The following MAGI1 variants were observed in gnomAD, a reference collection of about 807,000 sequenced individuals.
The protein encoded by MAGI1 is membrane associated guanylate kinase, WW and PDZ domain containing 1, also known as membrane-associated guanylate kinase, WW and PDZ domain-containing protein 1.
Under a neutral mutation model 139.9 loss-of-function variants are expected in MAGI1, and 58 were observed. The observed-to-expected ratio is 0.41, with a 90% CI of 0.34 to 0.52. The LOEUF is 0.52. Ranked by LOEUF, MAGI1 falls within the 20% of genes least tolerant of loss-of-function variation. The probability of loss-of-function intolerance (pLI) is 0.12; values close to 1 mark genes in which losing one functional copy is unlikely to be tolerated. For missense variants in MAGI1, 1,874 were observed against 1,901.6 expected, an observed-to-expected ratio of 0.99 and a Z score of 0.27; for synonymous variants, 812 against 737.9, an observed-to-expected ratio of 1.10 and a Z score of -1.63.
intron 1 of MAGI1, among the ~76,000 whole-genome samples, chr3:65,870,365 T>A (rs1003327728): frequency 9.2e-5 from 14 of 151,922 alleles, no homozygotes; most frequent in African/African-American, 3.4e-4. Flanking sequence ...TGTGTAGCAA[T>A]GAGCTATTCA....
At chr3:65,631,869 C>G (rs1388415337) in intron 1 of MAGI1, among the ~76,000 whole-genome samples, 1 of 151,836 alleles carries the variant, frequency 6.6e-6, no homozygotes, top group Non-Finnish European at 1.5e-5. Context: ...ACCAAAAACA[C>G]AAAAAATTAG....
At chr3:65,552,307 A>C (rs2107973653) in intron 2 of MAGI1, among the ~76,000 whole-genome samples, 1 of 151,724 alleles carries the variant, frequency 6.6e-6, no homozygotes, top group Non-Finnish European at 1.5e-5. Flanking sequence ...CCAATTTCCC[A>C]ACATGAACAT....
At chr3:65,621,916 T>TTC (rs1209537080) in intron 2 of MAGI1, 56 bp downstream of exon 2, 3 of 997,682 alleles carry the variant, frequency 3.0e-6, no homozygotes, top group African/African-American at 5.1e-5. Context: ...CCCTGGACTT[T>TTC]TCACACACAC....
intron 1 of MAGI1, among the ~76,000 whole-genome samples, chr3:65,642,278 G>A (rs961947777): frequency 6.6e-6 from 1 of 152,128 alleles, no homozygotes; most frequent in African/African-American, 2.4e-5. Context: ...ATGAATGCTT[G>A]CAGCCACTCC....
At chr3:65,855,014 T>A (rs1425764462) in intron 1 of MAGI1, among the ~76,000 whole-genome samples, 1 of 152,172 alleles carries the variant, frequency 6.6e-6, no homozygotes, top group African/African-American at 2.4e-5. Context: ...CAAGAGGGGA[T>A]GGATGGTGCT....
chr3:65,552,273 T>C (rs1219589330), intron 2 of MAGI1, among the ~76,000 whole-genome samples: 1 of 151,832 alleles, frequency 6.6e-6, no homozygotes, highest in Non-Finnish European at 1.5e-5. Flanking sequence ...TGTGTGTGTG[T>C]GTGTGTGTGT....
At chr3:65,930,728 G>A (rs112184555) in intron 1 of MAGI1, among the ~76,000 whole-genome samples, 6 of 152,202 alleles carry the variant, frequency 3.9e-5, no homozygotes, top group African/African-American at 9.6e-5. Flanking sequence ...AGATGATAAC[G>A]CAAGTGACCT....
chr3:65,667,003 C>A (rs1043970286), intron 1 of MAGI1, among the ~76,000 whole-genome samples: 4 of 152,160 alleles, frequency 2.6e-5, no homozygotes. Flanking sequence ...GAAAGATGAG[C>A]ATGAGAAAAA....
chr3:65,546,501 T>C (rs1419662249), intron 2 of MAGI1, among the ~76,000 whole-genome samples: 8 of 152,166 alleles, frequency 5.3e-5, no homozygotes, highest in Admixed American at 3.9e-4. Flanking sequence ...CCCTGAACAA[T>C]TGTTTAAAAC....
intron 1 of MAGI1, among the ~76,000 whole-genome samples, chr3:66,031,370 T>C (rs1353553512): frequency 6.6e-6 from 1 of 152,204 alleles, no homozygotes; most frequent in African/African-American, 2.4e-5. Context: ...TCAGAATGTT[T>C]TCTCTTATAA....
rs955575942 is a variant in MAGI1 at position 65,484,587 on chromosome 3, C to A, written c.551-5789G>T. Among the ~76,000 whole-genome samples the A allele has an allele frequency of 2.0e-5, 3 of 152,168 alleles. No homozygotes were observed. The East Asian group carries it at 5.8e-4, about 29-fold the overall frequency. ...TCTGATTTTGCCTTGGCCTCACGGTCCTGAGTGGTCTGCCCCATGCCCACT... is the reference window on the plus strand; with the variant it reads ...TCTGATTTTGCCTTGGCCTCACGGTACTGAGTGGTCTGCCCCATGCCCACT... On this transcript the variant is annotated intron_variant, in intron 3 of 22. Coordinates refer to ENST00000402939, the MANE Select transcript of MAGI1 (RefSeq NM_001033057.2).
intron 1 of MAGI1, among the ~76,000 whole-genome samples, chr3:65,822,850 T>C (rs2042021683): frequency 6.6e-6 from 1 of 152,194 alleles, no homozygotes; most frequent in East Asian, 1.9e-4. Flanking sequence ...CTGAACCATT[T>C]GTGAACCATT....
At chr3:65,464,281 G>C (rs1950024850) in intron 5 of MAGI1, among the ~76,000 whole-genome samples, 1 of 151,476 alleles carries the variant, frequency 6.6e-6, no homozygotes, top group African/African-American at 2.4e-5. Context: ...CCATCTTTTT[G>C]AGCTTAAGTT....
intron 1 of MAGI1, among the ~76,000 whole-genome samples, chr3:65,776,901 G>C (rs1382101760): frequency 1.3e-5 from 2 of 152,154 alleles, no homozygotes; most frequent in Non-Finnish European, 2.9e-5. Context: ...CCCTGGTTAT[G>C]TCTGCACTGA....
chr3:65,932,236 A>G (rs1353225283), intron 1 of MAGI1, among the ~76,000 whole-genome samples: 2 of 152,164 alleles, frequency 1.3e-5, no homozygotes, highest in Non-Finnish European at 2.9e-5. Context: ...TAATGCAAAC[A>G]AGGTCTGTTC....
At chr3:65,788,714 A>T (rs1381119166) in intron 1 of MAGI1, among the ~76,000 whole-genome samples, 1 of 152,218 alleles carries the variant, frequency 6.6e-6, no homozygotes, top group Non-Finnish European at 1.5e-5. Context: ...GCATTAAATA[A>T]ATCAGTGTTC....
chr3:65,507,896 A>ATT (rs75891463), intron 2 of MAGI1, among the ~76,000 whole-genome samples: 17 of 149,936 alleles, frequency 1.1e-4, no homozygotes, highest in South Asian at 8.4e-4. Context: ...TTTAGAGGTG[A>ATT]TTTTTTTTTT....
intron 1 of MAGI1, among the ~76,000 whole-genome samples, chr3:65,671,923 C>A (rs2086886618): frequency 6.6e-6 from 1 of 152,042 alleles, no homozygotes. Flanking sequence ...AAAAGCTGAC[C>A]CGTGATAGAC....
intron 1 of MAGI1, among the ~76,000 whole-genome samples, chr3:65,841,798 G>T (rs1414042879): frequency 2.0e-5 from 3 of 152,094 alleles, no homozygotes; most frequent in African/African-American, 7.2e-5. Context: ...AACCAACACA[G>T]GGTTCACAGG....
Sources: gnomAD v4.1 joint callset for allele counts (sites outside exome capture counted in the v4.1 genomes callset) on GRCh38, gnomAD v4.1.1 for gene constraint, MANE v1.5 for transcripts, NCBI Gene and HGNC (gene_info 2026-07-23, HGNC 2026-07-21) for gene names.